The following CACNA2D3 variants were observed in gnomAD, a reference collection of about 807,000 sequenced individuals.
The protein encoded by CACNA2D3 is calcium voltage-gated channel auxiliary subunit alpha2delta 3.
Under a neutral mutation model 160.6 loss-of-function variants are expected in CACNA2D3, and 60 were observed. The observed-to-expected ratio is 0.37, with a 90% CI of 0.30 to 0.46. The LOEUF (loss-of-function observed/expected upper bound fraction) is 0.46, where lower values mean the gene tolerates loss of function less well. Ranked by LOEUF, CACNA2D3 falls within the 20% of genes least tolerant of loss-of-function variation. CACNA2D3 has a pLI of 1.00. For missense variants in CACNA2D3, 1,205 were observed against 1,365.0 expected (o/e 0.88, Z 1.85); for synonymous variants, 558 against 492.9 (o/e 1.13, Z -1.75).
At chr3:54,460,580 C>T (rs1299989934) in intron 4 of CACNA2D3, among the ~76,000 whole-genome samples, 5 of 151,956 alleles carry the variant, frequency 3.3e-5, no homozygotes, top group South Asian at 4.2e-4. Context: ...TCTGTTTGTC[C>T]ATTATTGGTG....
In CACNA2D3 at chr3:54,675,045, G is replaced by T. The variant is rs2106904209; in HGVS notation, c.1167+32804G>T. ...AGTCAGGAGACAGCAGCAACAAGAG[G>T]GCCATGGTTAGTCTAGCCTGACAAA... On this transcript the variant is annotated intron_variant, in intron 11 of 37. Transcript: ENST00000474759. Among the ~76,000 whole-genome samples, 4 of 152,236 alleles carry T rather than the reference G, an allele frequency of 2.6e-5. No homozygotes were observed. The South Asian group carries it at 8.3e-4, about 32-fold the overall frequency.
At chr3:55,062,161 C>T (rs549592792) in intron 35 of CACNA2D3, among the ~76,000 whole-genome samples, 1 of 152,110 alleles carries the variant, frequency 6.6e-6, no homozygotes, top group East Asian at 1.9e-4. Context: ...GGTCTGTTGC[C>T]CAGGCTGGAG....
At chr3:54,452,783 T>C (rs1700330686) in intron 4 of CACNA2D3, among the ~76,000 whole-genome samples, 2 of 152,154 alleles carry the variant, frequency 1.3e-5, no homozygotes, top group Non-Finnish European at 1.5e-5. Flanking sequence ...AGCAGGGCGA[T>C]GCTCCCTCTG....
At chr3:54,646,186 C>CCCTCCTTGCTTGCTTG (rs1559537958) in intron 11 of CACNA2D3, among the ~76,000 whole-genome samples, 1 of 6,474 alleles carries the variant, frequency 1.5e-4, no homozygotes, top group African/African-American at 4.0e-4. Flanking sequence ...CTCCCTCCCT[C>CCCTCCTTGCTTGCTTG]CTTCCTTGCT....
In CACNA2D3 at chr3:54,276,588, A is replaced by AGAAG. The variant is rs767061739; in HGVS notation, c.205-43854_205-43853insGAAG. Among the ~76,000 whole-genome samples, 460 of 127,772 alleles carry AGAAG rather than the reference A, an allele frequency of 3.6e-3. 2 individuals carry two copies. The highest frequency in any genetic ancestry group is 0.012 in the African/African-American group (425 of 35,754). The allele number at this position is 127,772 out of a possible 152,430, so 83.8% of individuals were successfully genotyped here. Reference sequence around the variant, plus strand: ...ACTCTGTCTCAAAAAAAAAAAAAAAAAAGAAGAAGAAGAAAGAGAGAGCCA... The same window carrying AGAAG: ...ACTCTGTCTCAAAAAAAAAAAAAAAAGAAGAAGAAGAAGAAGAAAGAGAGAGCCA... On this transcript the variant is annotated intron_variant, in intron 2 of 37. Coordinates refer to ENST00000474759, the MANE Select transcript of CACNA2D3 (RefSeq NM_018398.3).
intron 3 of CACNA2D3, among the ~76,000 whole-genome samples, chr3:54,379,574 T>C (rs2106641069): frequency 6.6e-6 from 1 of 152,360 alleles, no homozygotes; most frequent in Non-Finnish European, 1.5e-5. Context: ...CATTTCGCCT[T>C]GGTTTATTAT....
intron 33 of CACNA2D3, 86 bp from the exon 34 acceptor site, chr3:55,009,302 C>G: frequency 8.6e-7 from 1 of 1,160,928 alleles, no homozygotes. Context: ...ATGAGGTAAG[C>G]GATGCCAAAG....
chr3:54,851,451 T>C (rs985381198), intron 17 of CACNA2D3, among the ~76,000 whole-genome samples: 1 of 152,160 alleles, frequency 6.6e-6, no homozygotes, highest in Non-Finnish European at 1.5e-5. Flanking sequence ...ATCACATAAC[T>C]GGAAAGTGCC....
chr3:54,355,502 C>G (rs568892117), intron 3 of CACNA2D3, among the ~76,000 whole-genome samples: 2 of 152,036 alleles, frequency 1.3e-5, no homozygotes, highest in South Asian at 2.1e-4. Flanking sequence ...TTAGAGTCAT[C>G]AGGAATTGTT....
At chr3:54,461,785 G>A (rs1254191246) in intron 4 of CACNA2D3, among the ~76,000 whole-genome samples, 1 of 151,766 alleles carries the variant, frequency 6.6e-6, no homozygotes, top group African/African-American at 2.4e-5. Flanking sequence ...CTTCAGTTCT[G>A]CTCTGATTTT....
At chr3:54,869,783 G>C (rs1056571516) in intron 17 of CACNA2D3, among the ~76,000 whole-genome samples, 5 of 152,222 alleles carry the variant, frequency 3.3e-5, no homozygotes, top group Admixed American at 2.6e-4. Flanking sequence ...CCTCGTTGCT[G>C]TTCTTTTCTG....
chr3:54,611,041 G>T lies in CACNA2D3; in HGVS notation c.964-16746G>T, dbSNP rs545481297. 7.2e-5 allele frequency among the ~76,000 whole-genome samples: 11 copies of T among 152,290 alleles called. No homozygotes were observed. The South Asian group carries it at 1.0e-3, about 14-fold the overall frequency. On this transcript the variant is annotated intron_variant, in intron 9 of 37. Transcript: ENST00000474759. ...GCATTCATGTCCCAGTCTTATCCCAGAATCCAGGAAAGAATGTGTCAGTGA... is the reference window on the plus strand; with the variant it reads ...GCATTCATGTCCCAGTCTTATCCCATAATCCAGGAAAGAATGTGTCAGTGA...
chr3:54,686,856 C>G (rs1047513982), intron 11 of CACNA2D3, among the ~76,000 whole-genome samples: 1 of 151,946 alleles, frequency 6.6e-6, no homozygotes, highest in African/African-American at 2.4e-5. Context: ...TTTCAAGGCT[C>G]GAGAATTTAT....
At chr3:54,932,125 G>A (rs1701205477) in intron 27 of CACNA2D3, among the ~76,000 whole-genome samples, 1 of 152,076 alleles carries the variant, frequency 6.6e-6, no homozygotes, top group East Asian at 1.9e-4. Flanking sequence ...GCTGCAGTGA[G>A]CCGAGATCAC....
intron 11 of CACNA2D3, among the ~76,000 whole-genome samples, chr3:54,741,042 C>T (rs941650324): frequency 1.3e-5 from 2 of 152,144 alleles, no homozygotes; most frequent in Admixed American, 6.5e-5. Flanking sequence ...TCCAGCTGTG[C>T]CCAAGGCCAA....
chr3:54,569,032 G>T (rs1402127420), intron 6 of CACNA2D3, among the ~76,000 whole-genome samples: 1 of 152,196 alleles, frequency 6.6e-6, no homozygotes, highest in Non-Finnish European at 1.5e-5. Context: ...TCCCTGAGCA[G>T]AACTGATGGT....
At chr3:54,241,432 C>T (rs2107408211) in intron 2 of CACNA2D3, among the ~76,000 whole-genome samples, 1 of 152,278 alleles carries the variant, frequency 6.6e-6, no homozygotes, top group African/African-American at 2.4e-5. Context: ...GGATTCAAAC[C>T]CAGGCCATCT....
intron 2 of CACNA2D3, among the ~76,000 whole-genome samples, chr3:54,313,906 T>A (rs1703803316): frequency 6.6e-6 from 1 of 151,466 alleles, no homozygotes; most frequent in South Asian, 2.1e-4. Context: ...TTTTTTTTTT[T>A]AATTTTCACA....
At chr3:54,751,460 G>GTT (rs139029732) in intron 11 of CACNA2D3, among the ~76,000 whole-genome samples, 65 of 151,790 alleles carry the variant, frequency 4.3e-4, no homozygotes, top group African/African-American at 1.3e-3. Flanking sequence ...CGTTTTTTGT[G>GTT]TTTTTTTTAA....
Sources: gnomAD v4.1 joint callset for allele counts (sites outside exome capture counted in the v4.1 genomes callset) on GRCh38, gnomAD v4.1.1 for gene constraint, MANE v1.5 for transcripts, NCBI Gene and HGNC (gene_info 2026-07-23, HGNC 2026-07-21) for gene names.